Variants in PKD1L1 observed in about 807,000 individuals in gnomAD.
The protein encoded by PKD1L1 is polycystin 1 like 1, transient receptor potential channel interacting.
Under a neutral mutation model 323.4 loss-of-function variants are expected in PKD1L1, and 236 were observed. The ratio of observed to expected loss-of-function variants is 0.73; its 90% confidence interval spans 0.66 to 0.81. The LOEUF is 0.81. Ranked by LOEUF, PKD1L1 falls within the 40% of genes least tolerant of loss-of-function variation. The pLI is 0.00. For synonymous variants in PKD1L1, 1,344 were observed against 1,335.0 expected, an observed-to-expected ratio of 1.01 and a Z score of -0.15; for missense variants, 3,320 against 3,508.0, an observed-to-expected ratio of 0.95 and a Z score of 1.35.
Position 47,870,972 on chromosome 7 carries a change from C to CAA in PKD1L1, c.3896+2925_3896+2926dup, listed in dbSNP as rs200508432. ...TAGACAACAGATGGAAACCTTGTCT[C>CAA]AAAAAAAAAAAGAAAAAAAAAAAAA... is the stretch of plus-strand genomic sequence containing the variant. On this transcript the variant is annotated intron_variant, in intron 24 of 56. Coordinates refer to ENST00000289672, the MANE Select transcript of PKD1L1 (RefSeq NM_138295.5). 6.8e-4 allele frequency among the ~76,000 whole-genome samples: 45 copies of CAA among 66,060 alleles called. 1 individual carries two copies. Among genetic ancestry groups the CAA allele is most frequent in the South Asian group, 1.1e-3 (2 of 1,850 alleles). The allele number at this position is 66,060 out of a possible 152,430, so 43.3% of individuals were successfully genotyped here.
At chr7:47,853,306 T>A (rs2128741159) in intron 30 of PKD1L1, 79 bp from the exon 31 acceptor site, 1 of 1,054,302 alleles carries the variant, frequency 9.5e-7, no homozygotes, top group East Asian at 2.4e-5. Context: ...CTATCAAGAG[T>A]TTACTCAATT....
intron 56 of PKD1L1, among the ~76,000 whole-genome samples, chr7:47,775,685 G>T (rs1786551097): frequency 6.6e-6 from 1 of 151,580 alleles, no homozygotes; most frequent in Non-Finnish European, 1.5e-5. Flanking sequence ...AAGAAGAAAG[G>T]TCTTAAATGA....
Position 47,837,110 on chromosome 7 carries a change from G to A in PKD1L1, c.5770-16C>T, listed in dbSNP as rs1237585971. 5 of 1,613,112 alleles carry A rather than the reference G, an allele frequency of 3.1e-6. No individual in the cohort carries two copies. Among genetic ancestry groups the A allele is most frequent in the Non-Finnish European group, 4.2e-6 (5 of 1,179,304 alleles). ...AATAGAAAAGCTGAAACGGAAAGCA[G>A]GAGAAGTGTTCCCTGACATGGAGCA... On this transcript the variant is annotated splice_polypyrimidine_tract_variant and intron_variant, in intron 36 of 56. Coordinates refer to ENST00000289672, the MANE Select transcript of PKD1L1 (RefSeq NM_138295.5).
intron 27 of PKD1L1, 55 bp from the exon 28 acceptor site, chr7:47,857,887 C>T (rs1785940750): frequency 1.3e-6 from 2 of 1,529,926 alleles, no homozygotes; most frequent in African/African-American, 1.4e-5. Flanking sequence ...CACAAACTGT[C>T]TTGAATCCAG....
chr7:47,902,536 T>C (rs1787115700), intron 12 of PKD1L1, 25 bp from the exon 13 acceptor site: 7 of 1,609,160 alleles, frequency 4.4e-6, no homozygotes, highest in Non-Finnish European at 1.7e-6. Context: ...AGCACAGAAA[T>C]GAACAAATTT....
At chr7:47,862,190 G>A (rs1485122782) in intron 26 of PKD1L1, among the ~76,000 whole-genome samples, 4 of 151,612 alleles carry the variant, frequency 2.6e-5, no homozygotes, top group African/African-American at 9.7e-5. Flanking sequence ...GTGAGACTCT[G>A]TCTGAAAAAA....
chr7:47,840,407 C>A lies in PKD1L1; in HGVS notation c.5552+54G>T. The A allele has an allele frequency of 1.5e-6, 2 of 1,317,722 alleles. No individual in the cohort carries two copies. The highest frequency in any genetic ancestry group is 1.2e-5 in the South Asian group (1 of 83,794). 81.6% of individuals were successfully genotyped at this position (1,317,722 alleles called of 1,614,324 possible). A position where few individuals can be genotyped will look rare whatever the true frequency, so the allele number is the denominator to read the frequency against. On this transcript the variant is annotated intron_variant, in intron 35 of 56. Coordinates refer to ENST00000289672, the MANE Select transcript of PKD1L1 (RefSeq NM_138295.5). This position sits in a 1 kb window ranked among gnomAD's most constrained non-coding sequence, Gnocchi z 4.1. ...TTTTGTATTTGTGATAAGGTTACAC[C>A]AATTCTGATTGGCCTCTCTTTCCCA...
At chr7:47,781,329 C>A (rs1242229379) in intron 56 of PKD1L1, among the ~76,000 whole-genome samples, 3 of 151,722 alleles carry the variant, frequency 2.0e-5, no homozygotes, top group African/African-American at 7.3e-5. Flanking sequence ...CAAATATTTC[C>A]CTCCAGTCTG....
upstream of PKD1L1, among the ~76,000 whole-genome samples, chr7:47,952,332 G>C (rs1239012292): frequency 6.6e-6 from 1 of 152,184 alleles, no homozygotes; most frequent in Non-Finnish European, 1.5e-5. Context: ...TTGCAAGCAG[G>C]CTGCTCCAAT....
rs1156274836 is a variant in PKD1L1 at position 47,896,207 on chromosome 7, T to G, written c.2271+1781A>C. Among the ~76,000 whole-genome samples, 2 of 151,874 alleles carry G rather than the reference T, an allele frequency of 1.3e-5. 1 individual carries two copies. The highest frequency in any genetic ancestry group is 4.2e-4 in the South Asian group (2 of 4,808). On this transcript the variant is annotated intron_variant, in intron 14 of 56. Coordinates refer to ENST00000289672, the MANE Select transcript of PKD1L1 (RefSeq NM_138295.5). ...AGCCAGGCATGGTGGTATGCACATG[T>G]AGTCCCAGCTACTCAGGAGGCTGAG...
At chr7:47,905,801 A>G (rs751238229) in intron 10 of PKD1L1, 42 bp downstream of exon 10, 1 of 1,608,690 alleles carries the variant, frequency 6.2e-7, no homozygotes, top group African/African-American at 1.3e-5. Flanking sequence ...TGACTGCGCG[A>G]GGGAGGTTTT....
intron 8 of PKD1L1, among the ~76,000 whole-genome samples, chr7:47,912,442 C>T (rs1787340500): frequency 1.3e-5 from 2 of 152,122 alleles, no homozygotes; most frequent in African/African-American, 4.8e-5. Context: ...TGAAAAGGTA[C>T]ACCATGTGCT....
chr7:47,777,313 T>G (rs1484227049), intron 56 of PKD1L1, among the ~76,000 whole-genome samples: 1 of 152,164 alleles, frequency 6.6e-6, no homozygotes, highest in East Asian at 1.9e-4. Flanking sequence ...CCTGAAAAAG[T>G]TTCCTCATAT....
intron 1 of PKD1L1, 79 bp downstream of exon 1, chr7:47,948,318 A>G (rs900274159): frequency 1.4e-5 from 21 of 1,532,736 alleles, no homozygotes; most frequent in Non-Finnish European, 1.8e-5. Context: ...CCTAGAGGTG[A>G]TGACTTTTGA....
chr7:47,812,674 G>A (rs1057402077), intron 49 of PKD1L1, among the ~76,000 whole-genome samples: 2 of 152,088 alleles, frequency 1.3e-5, no homozygotes, highest in Admixed American at 6.5e-5. Flanking sequence ...TGGGGCAGGC[G>A]GCCTGACCTC....
chr7:47,881,310 C>T (rs944281373), intron 20 of PKD1L1, among the ~76,000 whole-genome samples: 1 of 152,012 alleles, frequency 6.6e-6, no homozygotes, highest in African/African-American at 2.4e-5. Context: ...ATCGGAAATA[C>T]AAGATTGATG....
intron 7 of PKD1L1, among the ~76,000 whole-genome samples, chr7:47,921,197 T>C: frequency 1.2e-5 from 1 of 86,258 alleles, no homozygotes; most frequent in African/African-American, 4.8e-5. Context: ...CAAATAACAA[T>C]CCCATCAAAA....
intron 42 of PKD1L1, among the ~76,000 whole-genome samples, 155 bp from the exon 43 acceptor site, chr7:47,830,279 G>A (rs1785319841): frequency 6.6e-6 from 1 of 152,260 alleles, no homozygotes; most frequent in Non-Finnish European, 1.5e-5. Flanking sequence ...CATGGGCAGT[G>A]TCTTTCTGCT....
In PKD1L1 at chr7:47,902,519, G is replaced by A. The variant is rs187924501; in HGVS notation, c.1932-8C>T. The A allele has an allele frequency of 6.3e-4, 1,022 of 1,612,956 alleles. 1 individual carries two copies. Among genetic ancestry groups the A allele is most frequent in the Admixed American group, 1.6e-3 (95 of 59,828 alleles). On this transcript the variant is annotated splice_polypyrimidine_tract_variant and splice_region_variant and intron_variant, in intron 12 of 56. Coordinates refer to ENST00000289672, the MANE Select transcript of PKD1L1 (RefSeq NM_138295.5). Reference sequence around the variant, plus strand: ...ACTGTAAATTCTCCTTCCCTGGGACGGTGGAAAGCACAGAAATGAACAAAT... The same window carrying A: ...ACTGTAAATTCTCCTTCCCTGGGACAGTGGAAAGCACAGAAATGAACAAAT...
Sources: allele counts gnomAD v4.1 joint callset (sites outside exome capture counted in the v4.1 genomes callset), GRCh38; gene constraint gnomAD v4.1.1; non-coding constraint Gnocchi (gnomAD v3.1); transcripts MANE v1.5; gene names NCBI Gene and HGNC (gene_info 2026-07-23, HGNC 2026-07-21).